AHSA1: variants seen among roughly 807,000 people sequenced by gnomAD.
AHSA1 encodes the protein activator of 90 kDa heat shock protein ATPase homolog 1.
In AHSA1, 14 loss-of-function variants were observed where a neutral mutation model predicts 46.1. That is an observed-to-expected ratio of 0.30 (90% CI 0.20 to 0.47). The LOEUF (loss-of-function observed/expected upper bound fraction) is 0.47. Among genes scored for constraint, AHSA1 ranks in the 20% least tolerant of loss-of-function variants. The probability of loss-of-function intolerance (pLI) is 0.99; values close to 1 mark genes in which losing one functional copy is unlikely to be tolerated. For missense variants in AHSA1, 333 were observed against 415.9 expected (o/e 0.80, Z 1.73); for synonymous variants, 147 against 145.8 (o/e 1.01, Z -0.06).
In AHSA1 at chr14:77,468,090, A is replaced by G. The variant is rs1473658106; in HGVS notation, c.698A>G (p.Gln233Arg). 3 of 1,225,028 alleles carry G rather than the reference A, an allele frequency of 2.4e-6. No individual in the cohort carries two copies. The highest frequency in any genetic ancestry group is 3.4e-5 in the African/African-American group (2 of 58,034). 75.9% of individuals were successfully genotyped at this position (1,225,028 alleles called of 1,614,324 possible). A position where few individuals can be genotyped will look rare whatever the true frequency, so the allele number is the denominator to read the frequency against. Residue 233 changes from glutamine to arginine, a missense_variant, in exon 7 of 9, where the codon CAG (glutamine) becomes CGG (arginine). Coordinates refer to ENST00000216479, the MANE Select transcript of AHSA1 (RefSeq NM_012111.3). ...YRVFTTQELV[Q>R]AFTHAPATLE... ...TTTTTTTTTTCCCTGCAGCTGGTGC[A>G]GGCCTTTACCCATGCTCCTGCAACA...
At chr14:77,458,649 G>T (rs1035276634) in intron 1 of AHSA1, among the ~76,000 whole-genome samples, 1 of 152,216 alleles carries the variant, frequency 6.6e-6, no homozygotes, top group Non-Finnish European at 1.5e-5. Flanking sequence ...TAAGGCCAGG[G>T]GTCTGTAATT....
At chr14:77,463,539 A>C (rs1478434731) in intron 4 of AHSA1, among the ~76,000 whole-genome samples, 1 of 147,436 alleles carries the variant, frequency 6.8e-6, no homozygotes, top group Non-Finnish European at 1.5e-5. Flanking sequence ...TGAGCCAAGA[A>C]CGCGCCATTG....
chr14:77,458,389 G>A (rs989421171), intron 1 of AHSA1, 120 bp downstream of exon 1: 3 of 1,041,590 alleles, frequency 2.9e-6, no homozygotes, highest in Non-Finnish European at 4.1e-6. Context: ...GGAGATGGGG[G>A]TGGGTCCTTC....
Position 77,462,282 on chromosome 14 carries a change from C to T in AHSA1, c.354+40C>T, listed in dbSNP as rs2079029040. 5 of 1,556,686 alleles carry T rather than the reference C, an allele frequency of 3.2e-6. No individual in the cohort carries two copies. The African/African-American group carries it at 4.1e-5, about 13-fold the overall frequency. ...ACTCCTAATCCGAGTCCTCTATATC[C>T]TCTTATTCTCAGATGAGAAAAGTGA... On this transcript the variant is annotated intron_variant, in intron 3 of 8. Coordinates refer to ENST00000216479, the MANE Select transcript of AHSA1 (RefSeq NM_012111.3).
In AHSA1 at chr14:77,465,647, A is replaced by G; in HGVS notation, c.670A>G (p.Arg224Gly). 6.2e-7 allele frequency: 1 copy of G among 1,613,746 alleles called. No individual in the cohort carries two copies. The highest frequency in any genetic ancestry group is 1.1e-5 in the South Asian group (1 of 91,086). Residue 224 changes from arginine to glycine, a missense_variant, in exon 6 of 9, where the codon AGA (arginine) becomes GGA (glycine). Coordinates refer to ENST00000216479, the MANE Select transcript of AHSA1 (RefSeq NM_012111.3). ...TFLTSPEELYRVFTTQELVQA... is the reference protein window; with the variant it reads ...TFLTSPEELYGVFTTQELVQA... ...CCTGACGTCACCAGAGGAGCTCTATAGAGTGTTTACCACCCAAGAGGTAAG... is the reference window on the plus strand; with the variant it reads ...CCTGACGTCACCAGAGGAGCTCTATGGAGTGTTTACCACCCAAGAGGTAAG...
intron 6 of AHSA1, among the ~76,000 whole-genome samples, chr14:77,465,900 C>T (rs147818449): frequency 7.0e-4 from 107 of 152,106 alleles, no homozygotes; most frequent in African/African-American, 2.3e-3. Context: ...AATCTCAGCT[C>T]ACTGCAACCT....
At chr14:77,468,614 G>T (rs2079058847) in intron 8 of AHSA1, 106 bp downstream of exon 8, 2 of 1,016,138 alleles carry the variant, frequency 2.0e-6, no homozygotes, top group African/African-American at 1.7e-5. Context: ...TCAGGCTAGA[G>T]TGCAGTGGCA....
chr14:77,462,268 G>GA (rs1566746838), intron 3 of AHSA1, 26 bp downstream of exon 3: 1 of 1,586,508 alleles, frequency 6.3e-7, no homozygotes, highest in Non-Finnish European at 8.7e-7. Context: ...CTCCTAATCC[G>GA]AGTCCTCTAT....
intron 5 of AHSA1, 72 bp from the exon 6 acceptor site, chr14:77,465,467 T>C: frequency 6.5e-7 from 1 of 1,533,526 alleles, no homozygotes; most frequent in South Asian, 1.2e-5. Flanking sequence ...ATGGTACAAC[T>C]GTCTCTGAAG....
At chr14:77,462,024 G>C in intron 2 of AHSA1, 136 bp from the exon 3 acceptor site, 1 of 617,862 alleles carries the variant, frequency 1.6e-6, no homozygotes, top group South Asian at 2.2e-5. Flanking sequence ...ATTGCATCTG[G>C]CATGTGGCAT....
At chr14:77,468,312 C>A in intron 7 of AHSA1, 128 bp downstream of exon 7, 3 of 1,133,810 alleles carry the variant, frequency 2.6e-6, no homozygotes, top group South Asian at 1.5e-5. Flanking sequence ...TTTTGTTTTT[C>A]AAAAAAAGGC....
intron 2 of AHSA1, among the ~76,000 whole-genome samples, chr14:77,461,029 T>C (rs552748188): frequency 4.0e-5 from 6 of 151,506 alleles, no homozygotes; most frequent in Admixed American, 1.3e-4. Flanking sequence ...CGTGGTGGCA[T>C]GTGCCTGTAG....
rs908780403 is a variant in AHSA1, at chr14:77,468,092, G to T, written c.700G>T (p.Ala234Ser). The T allele has an allele frequency of 4.1e-6, 6 of 1,452,574 alleles. No homozygotes were observed. Among genetic ancestry groups the T allele is most frequent in the Non-Finnish European group, 4.7e-6 (5 of 1,074,492 alleles). 90.0% of individuals were successfully genotyped at this position (1,452,574 alleles called of 1,614,324 possible). A position where few individuals can be genotyped will look rare whatever the true frequency, so the allele number is the denominator to read the frequency against. The change falls in exon 7 of 9, where the codon GCC (alanine) becomes TCC (serine). Residue 234 changes from alanine to serine, a missense_variant. Coordinates refer to ENST00000216479, the MANE Select transcript of AHSA1 (RefSeq NM_012111.3). ...RVFTTQELVQ[A>S]FTHAPATLEA... ...TTTTTTTTCCCTGCAGCTGGTGCAG[G>T]CCTTTACCCATGCTCCTGCAACATT...
intron 4 of AHSA1, 34 bp from the exon 5 acceptor site, chr14:77,464,564 G>A (rs776578476): frequency 6.4e-6 from 10 of 1,574,374 alleles, no homozygotes; most frequent in Non-Finnish European, 5.2e-6. Flanking sequence ...CTACTAAGAA[G>A]TAACTTCCAT....
intron 4 of AHSA1, among the ~76,000 whole-genome samples, chr14:77,463,323 TCA>T (rs200593231): frequency 0.012 from 1,795 of 152,056 alleles, 31 homozygotes; most frequent in African/African-American, 0.041. Flanking sequence ...GCACAGTGGC[TCA>T]CACCTATAAT....
chr14:77,462,788 A>C, intron 4 of AHSA1, 29 bp downstream of exon 4: 1 of 1,585,668 alleles, frequency 6.3e-7, no homozygotes, highest in Non-Finnish European at 8.7e-7. Context: ...TGTATGCCTT[A>C]AGGAGGTAGT....
At chr14:77,467,351 A>T (rs2079051724) in intron 6 of AHSA1, among the ~76,000 whole-genome samples, 1 of 152,132 alleles carries the variant, frequency 6.6e-6, no homozygotes, top group African/African-American at 2.4e-5. Context: ...GTGAGCCATG[A>T]TCATGCCACT....
Position 77,462,710 on chromosome 14 carries a change from G to A in AHSA1, c.423G>A (p.Val141=). ...NLVALMKEEG[V]KLLREAMGIY... ...TGGCCTTAATGAAGGAAGAAGGGGT[G>A]AAACTTCTAAGAGAAGCAATGGGAA... Residue 141 remains valine (V), a synonymous_variant, in exon 4 of 9, where the codon GTG becomes GTA. Transcript: ENST00000216479. The A allele has an allele frequency of 6.2e-7, 1 of 1,614,128 alleles. No homozygotes were observed. Among genetic ancestry groups the A allele is most frequent in the Non-Finnish European group, 8.5e-7 (1 of 1,180,014 alleles).
At chr14:77,468,735 T>TAC (rs2079059693) in intron 8 of AHSA1, 12 of 498,016 alleles carry the variant, frequency 2.4e-5, no homozygotes, top group Admixed American at 1.2e-4. Flanking sequence ...TTTTTTTTTT[T>TAC]TTTTTTTTTT....
Sources: allele counts gnomAD v4.1 joint callset (sites outside exome capture counted in the v4.1 genomes callset), GRCh38; gene constraint gnomAD v4.1.1; transcripts MANE v1.5; gene names NCBI Gene and HGNC (gene_info 2026-07-23, HGNC 2026-07-21).